Variants in TNFRSF4 observed in about 807,000 individuals in gnomAD.
TNFRSF4 encodes the protein tumor necrosis factor receptor superfamily member 4.
In TNFRSF4, 21 loss-of-function variants were observed where a neutral mutation model predicts 29.5. That is an observed-to-expected ratio of 0.71 (90% confidence interval 0.51 to 1.03). The LOEUF (loss-of-function observed/expected upper bound fraction) is 1.03. TNFRSF4 is among the 50% of genes least tolerant of loss of function. The probability of loss-of-function intolerance (pLI) is 0.00; values close to 1 mark genes in which losing one functional copy is unlikely to be tolerated. For synonymous variants in TNFRSF4, 197 were observed against 172.7 expected, an observed-to-expected ratio of 1.14 and a Z score of -1.10; for missense variants, 408 against 387.8, an observed-to-expected ratio of 1.05 and a Z score of -0.44.
intron 3 of TNFRSF4, 128 bp downstream of exon 3, chr1:1,212,864 G>T: frequency 1.6e-6 from 2 of 1,264,268 alleles, no homozygotes; most frequent in Non-Finnish European, 2.1e-6. Context: ...GCCCTGACCC[G>T]GGAGCTCGGT....
rs1026812004 is a variant in TNFRSF4 at position 1,211,459 on chromosome 1, G to A, written c.*96C>T. ...AACGGTGCAGAGTTGGCCCAGGAGC[G>A]TGGCGGGGCAGGCGGCCTGCACCTG... On this transcript the variant is annotated 3_prime_UTR_variant, in exon 7 of 7. Transcript: ENST00000379236. 22 of 1,253,232 alleles carry A rather than the reference G, an allele frequency of 1.8e-5. No homozygotes were observed. Among genetic ancestry groups the A allele is most frequent in the Admixed American group, 1.0e-4 (3 of 28,950 alleles). 77.6% of individuals were successfully genotyped at this position (1,253,232 alleles called of 1,614,324 possible). A position where few individuals can be genotyped will look rare whatever the true frequency, so the allele number is the denominator to read the frequency against.
At chr1:1,213,910 T>C (rs965740254) in intron 1 of TNFRSF4, 73 bp downstream of exon 1, 13 of 702,422 alleles carry the variant, frequency 1.9e-5, no homozygotes, top group Non-Finnish European at 2.4e-5. Flanking sequence ...ACCAGCCTCC[T>C]GGCTGGCCCA....
intron 3 of TNFRSF4, 26 bp from the exon 4 acceptor site, chr1:1,212,730 G>A (rs1286033828): frequency 1.3e-6 from 2 of 1,534,312 alleles, no homozygotes; most frequent in East Asian, 2.4e-5. Flanking sequence ...GGTGGTCAGG[G>A]GCTGCCCACA....
chr1:1,212,434 G>A (rs1022608303), intron 4 of TNFRSF4, among the ~76,000 whole-genome samples: 2 of 151,706 alleles, frequency 1.3e-5, no homozygotes, highest in African/African-American at 2.4e-5. Context: ...ACAGGGAAAG[G>A]CTGCCCCCAG....
Position 1,212,138 on chromosome 1 carries a change from G to T in TNFRSF4, c.438C>A (p.Asn146Lys). 5 of 1,612,500 alleles carry T rather than the reference G, an allele frequency of 3.1e-6. No individual in the cohort carries two copies. Among genetic ancestry groups the T allele is most frequent in the Non-Finnish European group, 4.2e-6 (5 of 1,179,740 alleles). Reference protein sequence around the residue: ...GDNQACKPWTNCTLAGKHTLQ... With the variant: ...GDNQACKPWTKCTLAGKHTLQ... Reference sequence around the variant, plus strand: ...GGGTGTGCTTCCCAGCCAAGGTGCAGCTGTTGGGGAACAGGAGGTGTTGCT... The same window carrying T: ...GGGTGTGCTTCCCAGCCAAGGTGCATCTGTTGGGGAACAGGAGGTGTTGCT... The change falls in exon 5 of 7, where the codon AAC (asparagine) becomes AAA (lysine). Residue 146 changes from asparagine (N) to lysine (K), a missense_variant and splice_region_variant. Coordinates refer to ENST00000379236, the MANE Select transcript of TNFRSF4 (RefSeq NM_003327.4).
rs1458091515 is a variant in TNFRSF4, at chr1:1,211,975, C to G, written c.601G>C (p.Gly201Arg). The G allele has an allele frequency of 1.3e-6, 2 of 1,598,684 alleles. No individual in the cohort carries two copies. The highest frequency in any genetic ancestry group is 3.3e-4 in the Middle Eastern group (2 of 5,992). The change falls in exon 5 of 7, where the codon GGA becomes CGA. Residue 201 changes from glycine (G) to arginine (R), a missense_variant. Coordinates refer to ENST00000379236, the MANE Select transcript of TNFRSF4 (RefSeq NM_003327.4). ...ACCTCCACGGGCCGGGTGGAGGGTC[C>G]CTGTGAGGTTCTGGGCCAGGCTTCA... ...PTEAWPRTSQGPSTRPVEVPG... is the reference protein window; with the variant it reads ...PTEAWPRTSQRPSTRPVEVPG...
Position 1,211,463 on chromosome 1 carries a change from C to T in TNFRSF4, c.*92G>A, listed in dbSNP as rs952196939. 36 of 1,284,914 alleles carry T rather than the reference C, an allele frequency of 2.8e-5. No individual in the cohort carries two copies. The African/African-American group carries it at 3.6e-4, about 13-fold the overall frequency. The allele number at this position is 1,284,914 out of a possible 1,614,324, so 79.6% of individuals were successfully genotyped here. A position where few individuals can be genotyped will look rare whatever the true frequency, so the allele number is the denominator to read the frequency against. On this transcript the variant is annotated 3_prime_UTR_variant, in exon 7 of 7. Transcript: ENST00000379236. Reference sequence around the variant, plus strand: ...GTGCAGAGTTGGCCCAGGAGCGTGGCGGGGCAGGCGGCCTGCACCTGCCCT... The same window carrying T: ...GTGCAGAGTTGGCCCAGGAGCGTGGTGGGGCAGGCGGCCTGCACCTGCCCT...
At chr1:1,211,682 G>T (rs192161602) in intron 6 of TNFRSF4, 22 bp downstream of exon 6, 3 of 1,587,886 alleles carry the variant, frequency 1.9e-6, no homozygotes, top group African/African-American at 2.7e-5. Context: ...GGAGCAGTGC[G>T]GCAGGGCCAT....
Position 1,212,924 on chromosome 1 carries a change from C to T in TNFRSF4, c.370+68G>A, listed in dbSNP as rs867826495. 1.9e-5 allele frequency: 28 copies of T among 1,476,038 alleles called. No individual in the cohort carries two copies. The South Asian group carries it at 2.1e-4, about 11-fold the overall frequency. 91.4% of individuals were successfully genotyped at this position (1,476,038 alleles called of 1,614,324 possible). Reference sequence around the variant, plus strand: ...GGTGGGGCCAGGTCCCTGCGGCCCACGGCCCATCTGCGTCACAGACAGCCG... The same window carrying T: ...GGTGGGGCCAGGTCCCTGCGGCCCATGGCCCATCTGCGTCACAGACAGCCG... On this transcript the variant is annotated intron_variant, in intron 3 of 6. Transcript: ENST00000379236.
chr1:1,211,711 C>T lies in TNFRSF4; in HGVS notation c.756G>A (p.Lys252=), dbSNP rs1649118689. The part of the protein sequence containing the change: ...RDQRLPPDAH[K]PPGGGSFRTP... ...GGGCCATGAGGCACTCACCAGGGGG[C>T]TTGTGGGCATCGGGGGGCAGCCTCT... Residue 252 remains lysine, a synonymous_variant, in exon 6 of 7, where the codon AAG becomes AAA. Transcript: ENST00000379236. The T allele has an allele frequency of 6.3e-7, 1 of 1,592,232 alleles. No homozygotes were observed. Among genetic ancestry groups the T allele is most frequent in the Admixed American group, 1.8e-5 (1 of 56,300 alleles).
Position 1,211,930 on chromosome 1 carries a change from A to G in TNFRSF4, c.634+12T>C. On this transcript the variant is annotated intron_variant, in intron 5 of 6. Coordinates refer to ENST00000379236, the MANE Select transcript of TNFRSF4 (RefSeq NM_003327.4). ...GTTGGGGGCCCCGCTGGGCTGGGCC[A>G]GGCGCCCTTACCCCCGGGGACCTCC... is the stretch of plus-strand genomic sequence containing the variant. 1 of 1,537,320 alleles carries G rather than the reference A, an allele frequency of 6.5e-7. No homozygotes were observed. Among genetic ancestry groups the G allele is most frequent in the Admixed American group, 2.1e-5 (1 of 47,392 alleles).
intron 2 of TNFRSF4, 121 bp from the exon 3 acceptor site, chr1:1,213,214 T>C: frequency 5.2e-6 from 8 of 1,535,314 alleles, no homozygotes; most frequent in Non-Finnish European, 7.0e-6. Flanking sequence ...GGCAGGGGTC[T>C]GCGGCCTCCC....
At chr1:1,213,380 AC>A (rs568028519) in intron 2 of TNFRSF4, 6 of 1,530,432 alleles carry the variant, frequency 3.9e-6, no homozygotes, top group Non-Finnish European at 4.4e-6. Context: ...CCATGGCCCA[AC>A]CCCCCAGCCT....
intron 1 of TNFRSF4, 85 bp from the exon 2 acceptor site, chr1:1,213,870 G>A (rs906363018): frequency 2.0e-6 from 3 of 1,469,616 alleles, no homozygotes; most frequent in African/African-American, 1.4e-5. Flanking sequence ...TGCCAGGCTT[G>A]GCCGGCCCCT....
chr1:1,213,468 G>T (rs1338235806), intron 2 of TNFRSF4, 195 bp downstream of exon 2: 18 of 1,486,030 alleles, frequency 1.2e-5, no homozygotes, highest in Non-Finnish European at 1.4e-5. Context: ...GCCGAGTCTG[G>T]GCCCCCGGAG....
At chr1:1,213,896 C>T in intron 1 of TNFRSF4, 87 bp downstream of exon 1, 2 of 1,428,932 alleles carry the variant, frequency 1.4e-6, no homozygotes, top group South Asian at 2.8e-5. Context: ...GCCCCCTCCC[C>T]AGGACCAGCC....
At chr1:1,212,203 GA>G (rs1649172596) in intron 4 of TNFRSF4, 65 bp from the exon 5 acceptor site, 1 of 1,563,702 alleles carries the variant, frequency 6.4e-7, no homozygotes, top group Non-Finnish European at 8.7e-7. Context: ...ATGCGGTGGG[GA>G]TAACAGGGTC....
chr1:1,212,869 C>T, intron 3 of TNFRSF4, 123 bp downstream of exon 3: 3 of 1,283,352 alleles, frequency 2.3e-6, no homozygotes, highest in Non-Finnish European at 2.1e-6. Context: ...GACCCGGGAG[C>T]TCGGTCTTGA....
intron 3 of TNFRSF4, 33 bp from the exon 4 acceptor site, chr1:1,212,737 C>T: frequency 6.6e-7 from 1 of 1,507,522 alleles, no homozygotes; most frequent in Non-Finnish European, 8.9e-7. Context: ...AGGGGCTGCC[C>T]ACAGGCCCCG....
Sources: allele counts gnomAD v4.1 joint callset (sites outside exome capture counted in the v4.1 genomes callset), GRCh38; gene constraint gnomAD v4.1.1; transcripts MANE v1.5; gene names NCBI Gene and HGNC (gene_info 2026-07-23, HGNC 2026-07-21).